The following HRH2 variants were observed in gnomAD, a reference collection of about 807,000 sequenced individuals.
HRH2 encodes histamine receptor H2.
In HRH2, 4 loss-of-function variants were observed where a neutral mutation model predicts 20.1. The observed-to-expected ratio is 0.20, with a 90% confidence interval of 0.10 to 0.45. The LOEUF (loss-of-function observed/expected upper bound fraction) is 0.45. Among genes scored for constraint, HRH2 ranks in the 20% least tolerant of loss-of-function variants. The pLI, the probability that HRH2 is intolerant of heterozygous loss-of-function variation, is 0.99. For synonymous variants in HRH2, 197 were observed against 200.7 expected, an observed-to-expected ratio of 0.98 and a Z score of 0.16; for missense variants, 250 against 461.6, an observed-to-expected ratio of 0.54 and a Z score of 4.20.
rs1800690 is a variant in HRH2, at chr5:175,684,059, C to T, written c.826C>T (p.Leu276=). ...GGTGTTAGAAGCCATCGTTCTGTGG[C>T]TGGGCTATGCCAACTCAGCCCTGAA... ...NEVLEAIVLW[L]GYANSALNPI... The change falls in exon 2 of 3, where the codon CTG becomes TTG. Residue 276 remains leucine, a synonymous_variant. Coordinates refer to ENST00000636584, the MANE Select transcript of HRH2 (RefSeq NM_001367711.1). 2.2e-5 allele frequency: 36 copies of T among 1,614,104 alleles called. No homozygotes were observed. In the East Asian group the frequency reaches 8.0e-4, roughly 36 times the overall value.
chr5:175,667,120 C>A (rs997149940), intron 1 of HRH2, among the ~76,000 whole-genome samples: 1 of 151,988 alleles, frequency 6.6e-6, no homozygotes, highest in Non-Finnish European at 1.5e-5. Flanking sequence ...TCACTGTAGA[C>A]TTAACTCTCA....
chr5:175,678,756 C>T (rs1460287161), intron 1 of HRH2, among the ~76,000 whole-genome samples: 1 of 152,238 alleles, frequency 6.6e-6, no homozygotes, highest in African/African-American at 2.4e-5. Flanking sequence ...GTGAGAAGCC[C>T]AATCAAGCCT....
At chr5:175,682,057 TCA>T (rs1301035990) in intron 1 of HRH2, among the ~76,000 whole-genome samples, 1 of 152,242 alleles carries the variant, frequency 6.6e-6, no homozygotes, top group Non-Finnish European at 1.5e-5. Flanking sequence ...AATTTACATT[TCA>T]GTGTTCATTA....
At chr5:175,701,643 C>T (rs1009635093) in intron 2 of HRH2, among the ~76,000 whole-genome samples, 1 of 152,164 alleles carries the variant, frequency 6.6e-6, no homozygotes, top group African/African-American at 2.4e-5. Flanking sequence ...GGTCATGTGT[C>T]TATCCCTCAA....
chr5:175,683,112 A>AG lies in HRH2; in HGVS notation c.-122_-121insG. 2 of 1,207,488 alleles carry AG rather than the reference A, an allele frequency of 1.7e-6. No homozygotes were observed. Among genetic ancestry groups the AG allele is most frequent in the South Asian group, 3.2e-5 (2 of 62,720 alleles). The allele number at this position is 1,207,488 out of a possible 1,614,324, so 74.8% of individuals were successfully genotyped here. A position where few individuals can be genotyped will look rare whatever the true frequency, so the allele number is the denominator to read the frequency against. ...TGGCCAAAAAAAAAAAAAAAAAAAA[A>AG]CTGGACACATTTTGGATCTGTTGGG... On this transcript the variant is annotated 5_prime_UTR_variant, in exon 2 of 3. Coordinates refer to ENST00000636584, the MANE Select transcript of HRH2 (RefSeq NM_001367711.1).
At chr5:175,658,727 C>T (rs1762646444) in intron 1 of HRH2, among the ~76,000 whole-genome samples, 1 of 152,138 alleles carries the variant, frequency 6.6e-6, no homozygotes, top group African/African-American at 2.4e-5. Context: ...GACCGATGAC[C>T]GGAGCCACAA....
intron 2 of HRH2, among the ~76,000 whole-genome samples, chr5:175,700,997 G>C (rs577401830): frequency 1.3e-5 from 2 of 152,350 alleles, no homozygotes; most frequent in African/African-American, 4.8e-5. Context: ...ACAGATGCAA[G>C]AAATAGCAGG....
rs906739511 is a variant in HRH2 at position 175,709,745 on chromosome 5, A to C, written c.*1774A>C. 7 of 152,600 alleles carry C rather than the reference A, an allele frequency of 4.6e-5. No homozygotes were observed. Among genetic ancestry groups the C allele is most frequent in the Non-Finnish European group, 8.8e-5 (6 of 68,470 alleles). 9.5% of individuals were successfully genotyped at this position (152,600 alleles called of 1,614,324 possible). On this transcript the variant is annotated 3_prime_UTR_variant, in exon 3 of 3. Coordinates refer to ENST00000636584, the MANE Select transcript of HRH2 (RefSeq NM_001367711.1). Reference sequence around the variant, plus strand: ...CAGGACAGTTGGAACACCTCTTCTCAGCACTCTCGCCCCCACCCAGTCCAC... The same window carrying C: ...CAGGACAGTTGGAACACCTCTTCTCCGCACTCTCGCCCCCACCCAGTCCAC...
At chr5:175,663,357 G>A (rs1762792824) in intron 1 of HRH2, among the ~76,000 whole-genome samples, 1 of 152,154 alleles carries the variant, frequency 6.6e-6, no homozygotes, top group Admixed American at 6.5e-5. Context: ...CATCCTTGTG[G>A]GTGTGAAGTC....
intron 2 of HRH2, among the ~76,000 whole-genome samples, chr5:175,699,403 C>T (rs950997161): frequency 6.6e-6 from 1 of 152,174 alleles, no homozygotes; most frequent in Non-Finnish European, 1.5e-5. Flanking sequence ...GAGCCATCCC[C>T]TCTCCTCCCC....
At chr5:175,670,969 G>A (rs1480814941) in intron 1 of HRH2, among the ~76,000 whole-genome samples, 1 of 152,280 alleles carries the variant, frequency 6.6e-6, no homozygotes, top group Non-Finnish European at 1.5e-5. Context: ...TCACCCGGCA[G>A]GGGCCAACAG....
At chr5:175,673,906 T>C (rs1252685638) in intron 1 of HRH2, among the ~76,000 whole-genome samples, 2 of 152,138 alleles carry the variant, frequency 1.3e-5, no homozygotes, top group African/African-American at 2.4e-5. Flanking sequence ...AGTTTTGCCA[T>C]GTTGGCCAGG....
chr5:175,665,137 G>C (rs1397027443), intron 1 of HRH2, among the ~76,000 whole-genome samples: 1 of 152,204 alleles, frequency 6.6e-6, no homozygotes, highest in Non-Finnish European at 1.5e-5. Context: ...GGAAGGGACA[G>C]CTTCAAAGCT....
At chr5:175,675,506 G>A (rs774104096) in intron 1 of HRH2, among the ~76,000 whole-genome samples, 2 of 152,244 alleles carry the variant, frequency 1.3e-5, no homozygotes, top group Non-Finnish European at 2.9e-5. Flanking sequence ...TTGGAAGGCC[G>A]TGGCATGCTC....
chr5:175,682,157 G>A lies in HRH2; in HGVS notation c.-525-552G>A, dbSNP rs2067475. On this transcript the variant is annotated intron_variant, in intron 1 of 2. Transcript: ENST00000636584. ...CGCACTGCAAAGGCAGAGCCGAGCCGTCACAGGCTGTGAGGCAGAACGTGT... is the reference window on the plus strand; with the variant it reads ...CGCACTGCAAAGGCAGAGCCGAGCCATCACAGGCTGTGAGGCAGAACGTGT... 3.4e-3 allele frequency among the ~76,000 whole-genome samples: 525 copies of A among 152,350 alleles called. 2 individuals carry two copies. Among genetic ancestry groups the A allele is most frequent in the Admixed American group, 9.8e-3 (150 of 15,314 alleles).
intron 1 of HRH2, among the ~76,000 whole-genome samples, chr5:175,659,468 G>C (rs1762670809): frequency 6.6e-6 from 1 of 152,086 alleles, no homozygotes; most frequent in Non-Finnish European, 1.5e-5. Flanking sequence ...TCGAGAACCT[G>C]CTCCTTGCAG....
chr5:175,666,430 C>T (rs984435524), intron 1 of HRH2, among the ~76,000 whole-genome samples: 2 of 152,084 alleles, frequency 1.3e-5, no homozygotes, highest in African/African-American at 4.8e-5. Context: ...GGCGCAGATT[C>T]CTTTTTTGGT....
chr5:175,670,525 T>C (rs1302287185), intron 1 of HRH2, among the ~76,000 whole-genome samples: 1 of 152,190 alleles, frequency 6.6e-6, no homozygotes, highest in African/African-American at 2.4e-5. Flanking sequence ...AGCCTGGCCA[T>C]CCATCTGAAA....
chr5:175,664,675 C>T (rs902271714), intron 1 of HRH2, among the ~76,000 whole-genome samples: 1 of 152,004 alleles, frequency 6.6e-6, no homozygotes, highest in African/African-American at 2.4e-5. Flanking sequence ...TTTTCTGTCA[C>T]CCAAACCGGA....
Sources: allele counts gnomAD v4.1 joint callset (sites outside exome capture counted in the v4.1 genomes callset), GRCh38; gene constraint gnomAD v4.1.1; transcripts MANE v1.5; gene names NCBI Gene and HGNC (gene_info 2026-07-23, HGNC 2026-07-21).